The following SASH1 variants were observed in gnomAD, a reference collection of about 807,000 sequenced individuals.
SASH1 encodes SAM and SH3 domain-containing protein 1.
A neutral mutation model predicts 125.2 loss-of-function variants in SASH1; 44 were observed. The ratio of observed to expected loss-of-function variants is 0.35; its 90% CI spans 0.28 to 0.45. The LOEUF (loss-of-function observed/expected upper bound fraction) is 0.45, where lower values mean the gene tolerates loss of function less well. Among genes scored for constraint, SASH1 ranks in the 20% least tolerant of loss-of-function variants. The pLI is 1.00. For synonymous variants in SASH1, 639 were observed against 649.1 expected (o/e 0.98, Z 0.24); for missense variants, 1,426 against 1,614.5 (o/e 0.88, Z 2.00).
intron 1 of SASH1, among the ~76,000 whole-genome samples, chr6:148,279,735 C>T (rs992817993): frequency 6.6e-6 from 1 of 152,110 alleles, no homozygotes. Context: ...TGGCTCACAC[C>T]TGAAATCCTA....
chr6:148,342,286 G>T (rs1464094954), upstream of SASH1, among the ~76,000 whole-genome samples: 1 of 152,140 alleles, frequency 6.6e-6, no homozygotes, highest in Admixed American at 6.5e-5. Flanking sequence ...GTAATTCCTT[G>T]GGTCGCTTGA....
intron 2 of SASH1, among the ~76,000 whole-genome samples, chr6:148,421,209 GAAAGAAAA>G (rs1193257612): frequency 5.1e-5 from 7 of 137,098 alleles, no homozygotes; most frequent in African/African-American, 7.6e-5. Flanking sequence ...AAGAAAGAAA[GAAAGAAAA>G]AGAAAGAAAG....
intron 2 of SASH1, among the ~76,000 whole-genome samples, chr6:148,421,279 ACT>A (rs1785092273): frequency 6.6e-6 from 1 of 152,168 alleles, no homozygotes; most frequent in Non-Finnish European, 1.5e-5. Context: ...TTAAGAGTTC[ACT>A]GTCTCCTTAG....
intron 7 of SASH1, among the ~76,000 whole-genome samples, chr6:148,484,581 T>G (rs1460274893): frequency 6.8e-6 from 1 of 147,758 alleles, no homozygotes; most frequent in Non-Finnish European, 1.5e-5. Flanking sequence ...GCAGTGCACT[T>G]AAAAAAAAAA....
chr6:148,351,161 A>G (rs1385936433), intron 1 of SASH1, among the ~76,000 whole-genome samples: 1 of 150,910 alleles, frequency 6.6e-6, no homozygotes, highest in African/African-American at 2.4e-5. Context: ...ACGCTTGAGA[A>G]AGGGCTAGTA....
In SASH1 at chr6:148,434,364, C is replaced by G. The variant is rs141974601; in HGVS notation, c.286-5820C>G. Among the ~76,000 whole-genome samples, 513 of 152,224 alleles carry G rather than the reference C, an allele frequency of 3.4e-3. 1 individual carries two copies. The highest frequency in any genetic ancestry group is 0.031 in the Middle Eastern group (9 of 294). On this transcript the variant is annotated intron_variant, in intron 2 of 19. Transcript: ENST00000367467. ...TGCTGGGATTACAGGCATGAGCCAC[C>G]GTGCGCGGCCTGGAGATCGTATTTT... is the stretch of plus-strand genomic sequence containing the variant.
upstream of SASH1, among the ~76,000 whole-genome samples, chr6:148,270,943 C>T (rs1779047963): frequency 7.0e-6 from 1 of 142,540 alleles, no homozygotes; most frequent in African/African-American, 2.6e-5. Context: ...GAGTCTCGCT[C>T]TTGTCGCCCA....
intron 16 of SASH1, among the ~76,000 whole-genome samples, chr6:148,538,995 A>G (rs1238189641): frequency 1.3e-5 from 2 of 152,028 alleles, no homozygotes; most frequent in African/African-American, 4.8e-5. Flanking sequence ...CCCTTTCTAC[A>G]ACATGCCGGG....
chr6:148,375,316 A>T (rs1378561083), intron 1 of SASH1, among the ~76,000 whole-genome samples: 1 of 152,112 alleles, frequency 6.6e-6, no homozygotes, highest in African/African-American at 2.4e-5. Context: ...TGGGATACAC[A>T]GAGACATAGA....
intron 1 of SASH1, among the ~76,000 whole-genome samples, chr6:148,298,824 GAAGA>G (rs1402736218): frequency 1.4e-5 from 2 of 139,550 alleles, no homozygotes; most frequent in Non-Finnish European, 3.1e-5. Context: ...GAGAGGGAGG[GAAGA>G]AAGGAAGGAA....
intron 2 of SASH1, among the ~76,000 whole-genome samples, chr6:148,397,583 GC>G (rs1459356867): frequency 6.6e-6 from 1 of 152,144 alleles, no homozygotes. Flanking sequence ...GTCACCCGCA[GC>G]CCAGCATGAT....
intron 1 of SASH1, among the ~76,000 whole-genome samples, chr6:148,346,574 C>T (rs1432043858): frequency 1.3e-5 from 2 of 151,588 alleles, no homozygotes; most frequent in Non-Finnish European, 2.9e-5. Flanking sequence ...GTGCTCCTGA[C>T]TTAACTGGGT....
At chr6:148,273,803 GCTTT>G (rs1779120778) in intron 1 of SASH1, among the ~76,000 whole-genome samples, 1 of 152,198 alleles carries the variant, frequency 6.6e-6, no homozygotes, top group African/African-American at 2.4e-5. Context: ...CTGGAAGGCT[GCTTT>G]GCTCACTACT....
intron 4 of SASH1, among the ~76,000 whole-genome samples, chr6:148,461,366 G>A (rs1184376206): frequency 2.0e-5 from 3 of 152,206 alleles, no homozygotes; most frequent in African/African-American, 7.2e-5. Flanking sequence ...GAAAAAACCT[G>A]TATGGGGATT....
chr6:148,212,723 T>G, the SASH1 span, among the ~76,000 whole-genome samples: 2 of 152,216 alleles, frequency 1.3e-5, no homozygotes, highest in Non-Finnish European at 2.9e-5. Flanking sequence ...GGGGACTGTG[T>G]GTCATGCACT....
At position 148,529,095 on chromosome 6, in the gene SASH1, G is replaced by A. The variant is rs1419087722; in HGVS notation, c.1428+1499G>A. 6.6e-6 allele frequency among the ~76,000 whole-genome samples: 1 copy of A among 152,136 alleles called. No homozygotes were observed. The highest frequency in any genetic ancestry group is 1.5e-5 in the Non-Finnish European group (1 of 68,032). Reference sequence around the variant, plus strand: ...GAGGTGGAGCTCAGACAGTAATGCGGGTAATGGAGAGTGGCTGTGAAAACA... The same window carrying A: ...GAGGTGGAGCTCAGACAGTAATGCGAGTAATGGAGAGTGGCTGTGAAAACA... On this transcript the variant is annotated intron_variant, in intron 12 of 19. Transcript: ENST00000367467. The surrounding 1 kb of genome is among the most constrained non-coding windows in gnomAD (Gnocchi z 4.2).
intron 1 of SASH1, among the ~76,000 whole-genome samples, chr6:148,301,653 G>A (rs905777995): frequency 6.6e-6 from 1 of 151,326 alleles, no homozygotes; most frequent in African/African-American, 2.4e-5. Flanking sequence ...ATCATGGCTC[G>A]CTACAGCCTC....
rs755698906 is a variant in SASH1 at position 148,343,202 on chromosome 6, G to A, written c.135G>A (p.Trp45Ter). 7 of 1,598,068 alleles carry A rather than the reference G, an allele frequency of 4.4e-6. No individual in the cohort carries two copies. The highest frequency in any genetic ancestry group is 5.9e-6 in the Non-Finnish European group (7 of 1,178,052). Residue 45 changes from tryptophan (W) to a stop codon, truncating the protein, a stop_gained, in exon 1 of 20, where the codon TGG becomes TGA. Coordinates refer to ENST00000367467, the MANE Select transcript of SASH1 (RefSeq NM_015278.5). LOFTEE classifies it high-confidence loss of function. The part of the protein sequence containing the change: ...AGTSEAFSRL[W>*]TDVMGILDGS... The stretch of plus-strand genomic sequence containing the variant: ...CATCCGAGGCGTTCTCCCGACTCTG[G>A]ACCGACGTGATGGGTATCCTGGTAA...
chr6:148,343,260 A>G (rs765966248), intron 1 of SASH1, 37 bp downstream of exon 1: 1 of 1,548,298 alleles, frequency 6.5e-7, no homozygotes, highest in Non-Finnish European at 8.7e-7. Flanking sequence ...CAGGAAGTAC[A>G]GTTCGCAGCA....
Sources: allele counts gnomAD v4.1 joint callset (sites outside exome capture counted in the v4.1 genomes callset), GRCh38; gene constraint gnomAD v4.1.1; non-coding constraint Gnocchi (gnomAD v3.1); transcripts MANE v1.5; gene names NCBI Gene and HGNC (gene_info 2026-07-23, HGNC 2026-07-21).